The following ASAP1 variants were observed in gnomAD, a reference collection of about 807,000 sequenced individuals.
ASAP1 encodes ArfGAP with SH3 domain, ankyrin repeat and PH domain 1.
In ASAP1, 43 loss-of-function variants were observed where a neutral mutation model predicts 145.2. That is an observed-to-expected ratio of 0.30 (90% CI 0.23 to 0.38). The LOEUF (loss-of-function observed/expected upper bound fraction) is 0.38. ASAP1 is among the 10% of genes least tolerant of loss of function. The probability of loss-of-function intolerance (pLI) is 1.00; values close to 1 mark genes in which losing one functional copy is unlikely to be tolerated. For missense variants in ASAP1, 1,018 were observed against 1,355.3 expected, an observed-to-expected ratio of 0.75 and a Z score of 3.91; for synonymous variants, 546 against 515.5, an observed-to-expected ratio of 1.06 and a Z score of -0.80.
intron 13 of ASAP1, among the ~76,000 whole-genome samples, chr8:130,146,015 T>A (rs931641555): frequency 2.9e-5 from 4 of 136,804 alleles, no homozygotes; most frequent in African/African-American, 7.9e-5. Context: ...CTAAGTTTTG[T>A]GTTTTTTTTT....
intron 5 of ASAP1, chr8:130,208,649 C>T (rs146919182): frequency 6.6e-6 from 1 of 152,158 alleles, no homozygotes; most frequent in Admixed American, 6.5e-5. Context: ...CTTCGATCAT[C>T]TTCCTGCCCC....
At position 130,060,957 on chromosome 8, in the gene ASAP1, G is replaced by A; in HGVS notation, c.2814C>T (p.Asp938=). The A allele has an allele frequency of 6.2e-7, 1 of 1,600,574 alleles. No homozygotes were observed. The highest frequency in any genetic ancestry group is 8.5e-7 in the Non-Finnish European group (1 of 1,174,116). Reference sequence around the variant, plus strand: ...CCAGTTCTGTGGGCTTTGGGGGCAGGTCTCCAGGTGGTGGCTTTTGTGGCA... The same window carrying A: ...CCAGTTCTGTGGGCTTTGGGGGCAGATCTCCAGGTGGTGGCTTTTGTGGCA... ...AELPQKPPPG[D]LPPKPTELAP... is the part of the protein sequence containing the mutation. Residue 938 remains aspartate, a synonymous_variant, in exon 28 of 30, where the codon GAC becomes GAT. Coordinates refer to ENST00000518721, the MANE Select transcript of ASAP1 (RefSeq NM_018482.4).
chr8:130,076,685 T>TA (rs1038649544), intron 26 of ASAP1, among the ~76,000 whole-genome samples: 1 of 152,082 alleles, frequency 6.6e-6, no homozygotes, highest in African/African-American at 2.4e-5. Flanking sequence ...CACACCCGGC[T>TA]AATTTTTGTA....
chr8:130,169,132 G>A, intron 9 of ASAP1, 65 bp from the exon 10 acceptor site: 2 of 1,026,720 alleles, frequency 1.9e-6, no homozygotes, highest in Non-Finnish European at 2.9e-6. Flanking sequence ...GTTTCCTTAT[G>A]TGGAAATAAA....
chr8:130,347,605 T>C (rs1326677488), intron 3 of ASAP1, among the ~76,000 whole-genome samples: 1 of 152,158 alleles, frequency 6.6e-6, no homozygotes. Flanking sequence ...AGGACCACCA[T>C]CACCCCCAGG....
chr8:130,070,218 T>C (rs2097439879), intron 27 of ASAP1, among the ~76,000 whole-genome samples: 1 of 152,294 alleles, frequency 6.6e-6, no homozygotes, highest in East Asian at 1.9e-4. Flanking sequence ...TTCTATTTTT[T>C]AGTAGAGACG....
intron 24 of ASAP1, among the ~76,000 whole-genome samples, chr8:130,097,584 A>G (rs1379491580): frequency 6.6e-6 from 1 of 152,192 alleles, no homozygotes; most frequent in Non-Finnish European, 1.5e-5. Context: ...TCTGAGGTCT[A>G]TGTCAGAAGT....
intron 11 of ASAP1, among the ~76,000 whole-genome samples, chr8:130,164,794 T>C (rs953467583): frequency 6.6e-6 from 1 of 152,196 alleles, no homozygotes; most frequent in African/African-American, 2.4e-5. Context: ...CTTCCTTTAA[T>C]GGAGCCAAGT....
chr8:130,210,320 A>G (rs1482755284), intron 5 of ASAP1, among the ~76,000 whole-genome samples: 1 of 152,238 alleles, frequency 6.6e-6, no homozygotes, highest in Non-Finnish European at 1.5e-5. Flanking sequence ...TTTTCCATAA[A>G]AATAGATTTT....
At chr8:130,168,495 C>A (rs776757549) in intron 10 of ASAP1, among the ~76,000 whole-genome samples, 1 of 152,126 alleles carries the variant, frequency 6.6e-6, no homozygotes, top group Non-Finnish European at 1.5e-5. Flanking sequence ...AAGGCTGAGG[C>A]ACGAGAATTG....
At chr8:130,078,209 T>C (rs963607757) in intron 26 of ASAP1, among the ~76,000 whole-genome samples, 8 of 152,124 alleles carry the variant, frequency 5.3e-5, no homozygotes, top group Non-Finnish European at 1.5e-5. Flanking sequence ...AGGCTGGTCC[T>C]GAACTCCTGA....
At chr8:130,093,603 G>C (rs2097510357) in intron 24 of ASAP1, among the ~76,000 whole-genome samples, 1 of 138,600 alleles carries the variant, frequency 7.2e-6, no homozygotes, top group Non-Finnish European at 1.5e-5. Flanking sequence ...GGAAGTGGCG[G>C]TTGCAATGAG....
At chr8:130,166,365 A>C (rs1368573268) in intron 11 of ASAP1, among the ~76,000 whole-genome samples, 1 of 152,180 alleles carries the variant, frequency 6.6e-6, no homozygotes, top group East Asian at 1.9e-4. Flanking sequence ...CCAGAAAACA[A>C]ATGGTGCTTA....
At chr8:130,206,163 T>C (rs1286766649) in intron 5 of ASAP1, among the ~76,000 whole-genome samples, 1 of 152,084 alleles carries the variant, frequency 6.6e-6, no homozygotes, top group Non-Finnish European at 1.5e-5. Flanking sequence ...ACAGTATTAA[T>C]TGGTAGTGAG....
intron 11 of ASAP1, chr8:130,160,820 A>G (rs541200151): frequency 2.3e-6 from 3 of 1,280,664 alleles, no homozygotes; most frequent in Non-Finnish European, 3.1e-6. Context: ...CAAAAGAAAC[A>G]GAGAAAAAAG....
chr8:130,093,015 A>C (rs182249591), intron 24 of ASAP1, among the ~76,000 whole-genome samples: 46 of 152,300 alleles, frequency 3.0e-4, no homozygotes, highest in African/African-American at 1.1e-3. Context: ...CCTAGAAAAA[A>C]GAGAAATCCA....
At chr8:130,112,801 A>G (rs139875069) in intron 23 of ASAP1, among the ~76,000 whole-genome samples, 10 of 152,294 alleles carry the variant, frequency 6.6e-5, no homozygotes, top group African/African-American at 2.4e-4. Flanking sequence ...CCGCTACACA[A>G]TAATTACTTA....
rs576358339 is a variant in ASAP1, at chr8:130,085,149, A to G, written c.2573-5178T>C. ...AGGATGGAGGGCCAGGGGAGGGGGG[A>G]AATTGTTATTAGGTATTAATTCAAG... On this transcript the variant is annotated intron_variant, in intron 25 of 29. Transcript: ENST00000518721. 4.1e-4 allele frequency among the ~76,000 whole-genome samples: 62 copies of G among 152,146 alleles called. 1 individual carries two copies. The highest frequency in any genetic ancestry group is 1.4e-3 in the African/African-American group (57 of 41,478).
intron 13 of ASAP1, among the ~76,000 whole-genome samples, chr8:130,139,721 A>T (rs781501907): frequency 2.6e-5 from 4 of 152,004 alleles, no homozygotes; most frequent in Non-Finnish European, 5.9e-5. Context: ...AGGGTGACAG[A>T]GCAAGACTCC....
Sources: gnomAD v4.1 joint callset for allele counts (sites outside exome capture counted in the v4.1 genomes callset) on GRCh38, gnomAD v4.1.1 for gene constraint, MANE v1.5 for transcripts, NCBI Gene and HGNC (gene_info 2026-07-23, HGNC 2026-07-21) for gene names.